DNAH6: variants seen among roughly 807,000 people sequenced by gnomAD.
DNAH6 encodes the protein axonemal beta dynein heavy chain 6.
In DNAH6, 340 loss-of-function variants were observed where a neutral mutation model predicts 491.4. The observed-to-expected ratio is 0.69, with a 90% CI of 0.63 to 0.76. DNAH6 has a LOEUF of 0.76. DNAH6 is among the 30% of genes least tolerant of loss of function. The pLI is 0.00. For missense variants in DNAH6, 4,443 were observed against 4,972.2 expected (o/e 0.89, Z 3.20); for synonymous variants, 1,603 against 1,686.1 (o/e 0.95, Z 1.21).
intron 46 of DNAH6, among the ~76,000 whole-genome samples, chr2:84,696,691 C>G (rs1423289432): frequency 2.0e-5 from 3 of 151,962 alleles, no homozygotes; most frequent in Non-Finnish European, 4.4e-5. Context: ...TAACAGATAT[C>G]TTGTCATAGT....
chr2:84,656,925 C>G (rs568958055), intron 35 of DNAH6, among the ~76,000 whole-genome samples: 77 of 152,110 alleles, frequency 5.1e-4, no homozygotes, highest in African/African-American at 1.9e-3. Context: ...AGCCCAAAGT[C>G]ATGTAGATTT....
intron 63 of DNAH6, among the ~76,000 whole-genome samples, chr2:84,747,763 C>T (rs1055875614): frequency 1.3e-5 from 2 of 152,210 alleles, no homozygotes; most frequent in Non-Finnish European, 2.9e-5. Flanking sequence ...TCTTCCTGGA[C>T]ACCCAGGCTT....
chr2:84,819,474 TTG>T lies in DNAH6; in HGVS notation c.*67_*68del. 1 of 1,044,480 alleles carries T rather than the reference TTG, an allele frequency of 9.6e-7. No homozygotes were observed. 64.7% of individuals were successfully genotyped at this position (1,044,480 alleles called of 1,614,324 possible). A position where few individuals can be genotyped will look rare whatever the true frequency, so the allele number is the denominator to read the frequency against. On this transcript the variant is annotated 3_prime_UTR_variant, in exon 77 of 77. Transcript: ENST00000389394. Reference sequence around the variant, plus strand: ...ATCTTTCCTAATGGGAGCAAAAGGTTTGAATAATTTATATGTGAGCAAAACGG... The same window carrying T: ...ATCTTTCCTAATGGGAGCAAAAGGTTAATAATTTATATGTGAGCAAAACGG...
rs1684343316 is a variant in DNAH6, at chr2:84,593,968, A to G, written c.2611-4A>G. 3 of 1,522,296 alleles carry G rather than the reference A, an allele frequency of 2.0e-6. No homozygotes were observed. The African/African-American group carries it at 4.2e-5, about 21-fold the overall frequency. The allele number at this position is 1,522,296 out of a possible 1,614,324, so 94.3% of individuals were successfully genotyped here. ...TACGCATTTTGTTTACTACATTTTT[A>G]AAGGTAGAAGTGTCCAAGTTTGAAG... On this transcript the variant is annotated splice_polypyrimidine_tract_variant and splice_region_variant and intron_variant, in intron 16 of 76. Transcript: ENST00000389394.
chr2:84,626,281 G>A (rs1176581686), intron 29 of DNAH6, among the ~76,000 whole-genome samples: 2 of 152,156 alleles, frequency 1.3e-5, no homozygotes, highest in East Asian at 1.9e-4. Context: ...ACACAACTTT[G>A]TGTGTCTAAT....
At chr2:84,546,564 GTTC>G (rs1678815940) in intron 5 of DNAH6, among the ~76,000 whole-genome samples, 1 of 152,084 alleles carries the variant, frequency 6.6e-6, no homozygotes, top group African/African-American at 2.4e-5. Flanking sequence ...TGTTTTCAAG[GTTC>G]TTCTTCTATG....
intron 18 of DNAH6, among the ~76,000 whole-genome samples, chr2:84,597,176 A>G (rs908668352): frequency 5.9e-5 from 9 of 152,234 alleles, no homozygotes; most frequent in African/African-American, 1.4e-4. Context: ...ATGAAATAAT[A>G]CAACATGCAG....
the DNAH6 span, among the ~76,000 whole-genome samples, chr2:84,511,251 CG>C: frequency 6.6e-6 from 1 of 152,190 alleles, no homozygotes; most frequent in African/African-American, 2.4e-5. Flanking sequence ...GCTTTGTTTA[CG>C]TACTCAAGCT....
rs181994871 is a variant in DNAH6 at position 84,644,894 on chromosome 2, A to G, written c.5078+2840A>G. Among the ~76,000 whole-genome samples, 11 of 152,320 alleles carry G rather than the reference A, an allele frequency of 7.2e-5. No individual in the cohort carries two copies. In the East Asian group the frequency reaches 2.1e-3, roughly 29 times the overall value. On this transcript the variant is annotated intron_variant, in intron 33 of 76. Coordinates refer to ENST00000389394, the MANE Select transcript of DNAH6 (RefSeq NM_001370.2). ...CTTTGCTATTTTGAATAATACTGCA[A>G]TGAACATACACATGCATATGTCTTT...
At position 84,637,476 on chromosome 2, in the gene DNAH6, A is replaced by G. The variant is rs532222726; in HGVS notation, c.4821+99A>G. On this transcript the variant is annotated intron_variant, in intron 31 of 76. Coordinates refer to ENST00000389394, the MANE Select transcript of DNAH6 (RefSeq NM_001370.2). The stretch of plus-strand genomic sequence containing the variant: ...GAAAGTTTCCTTTATGAATGCCCCT[A>G]TTAATGGTTACACATTATTAAGTGT... 1,279 of 1,254,372 alleles carry G rather than the reference A, an allele frequency of 1.0e-3. 1 individual carries two copies. Among genetic ancestry groups the G allele is most frequent in the Non-Finnish European group, 1.3e-3 (1,178 of 935,770 alleles). The allele number at this position is 1,254,372 out of a possible 1,614,324, so 77.7% of individuals were successfully genotyped here.
Position 84,670,372 on chromosome 2 carries a change from TG to T in DNAH6, c.6353del (p.Gly2118AlafsTer7), listed in dbSNP as rs1692610006. ...GLLNKIQESAGYVPVYLNFSA... is the reference protein window; with the variant it reads ...GLLNKIQESAXYVPVYLNFSA... Reference sequence around the variant, plus strand: ...TGCTAAATAAAATTCAAGAATCAGCTGGCTATGTCCCTGTTTATCTAAATTT... The same window carrying T: ...TGCTAAATAAAATTCAAGAATCAGCTGCTATGTCCCTGTTTATCTAAATTT... On this transcript the variant is annotated frameshift_variant, in exon 39 of 77. Coordinates refer to ENST00000389394, the MANE Select transcript of DNAH6 (RefSeq NM_001370.2). LOFTEE classifies it high-confidence loss of function. 6.5e-7 allele frequency: 1 copy of T among 1,541,520 alleles called. No homozygotes were observed.
chr2:84,468,762 A>G, the DNAH6 span, among the ~76,000 whole-genome samples: 1 of 152,188 alleles, frequency 6.6e-6, no homozygotes, highest in Admixed American at 6.5e-5. Flanking sequence ...TAGGGTCATT[A>G]ATTTTGAGTT....
At chr2:84,792,683 G>A (rs773362004) in intron 68 of DNAH6, among the ~76,000 whole-genome samples, 21 of 152,266 alleles carry the variant, frequency 1.4e-4, no homozygotes, top group South Asian at 4.2e-4. Context: ...AAGGTAAGCC[G>A]GGGGCATATC....
intron 10 of DNAH6, among the ~76,000 whole-genome samples, chr2:84,554,950 G>A (rs1261065413): frequency 6.6e-6 from 1 of 152,162 alleles, no homozygotes; most frequent in Admixed American, 6.5e-5. Context: ...CCCCACATGG[G>A]TATTTTTAAC....
At chr2:84,463,832 A>G in the DNAH6 span, among the ~76,000 whole-genome samples, 6 of 152,228 alleles carry the variant, frequency 3.9e-5, no homozygotes, top group South Asian at 6.2e-4. Flanking sequence ...TTTTAACGAA[A>G]TAAATTCATT....
At chr2:84,698,364 G>A (rs1441855843) in intron 47 of DNAH6, among the ~76,000 whole-genome samples, 1 of 152,168 alleles carries the variant, frequency 6.6e-6, no homozygotes, top group Non-Finnish European at 1.5e-5. Flanking sequence ...AAGCAGGAAG[G>A]GATTTATTAA....
At chr2:84,487,163 C>T in the DNAH6 span, among the ~76,000 whole-genome samples, 1 of 152,182 alleles carries the variant, frequency 6.6e-6, no homozygotes, top group South Asian at 2.1e-4. Flanking sequence ...TTTGTCCTGG[C>T]ATTGATTACA....
rs1176919328 is a variant in DNAH6 at position 84,601,026 on chromosome 2, T to TTATTATTATAGTATAATAATAAC, written c.2869-3313_2869-3312insTATTATTATAGTATAATAATAAC. On this transcript the variant is annotated intron_variant, in intron 18 of 76. Coordinates refer to ENST00000389394, the MANE Select transcript of DNAH6 (RefSeq NM_001370.2). ...TACTATAATAATATTATAATAATAATGTTATTATTATACTATAATAATAAT... is the reference window on the plus strand; with the variant it reads ...TACTATAATAATATTATAATAATAATTATTATTATAGTATAATAATAACGTTATTATTATACTATAATAATAAT... Among the ~76,000 whole-genome samples the TTATTATTATAGTATAATAATAAC allele has an allele frequency of 7.7e-3, 1,117 of 144,484 alleles. 51 individuals are homozygous for TTATTATTATAGTATAATAATAAC. The highest frequency in any genetic ancestry group is 0.027 in the African/African-American group (1,021 of 37,846). 94.8% of individuals were successfully genotyped at this position (144,484 alleles called of 152,430 possible).
At position 84,584,169 on chromosome 2, in the gene DNAH6, C is replaced by T; in HGVS notation, c.2400C>T (p.Ser800=). The change falls in exon 15 of 77, where the codon AGC becomes AGT. Residue 800 remains serine (S), a synonymous_variant. Coordinates refer to ENST00000389394, the MANE Select transcript of DNAH6 (RefSeq NM_001370.2). Reference sequence around the variant, plus strand: ...AATCAGTGGGTGATAGAGAATCAAGCATTAAGCAATTTTGTGTGCATTTGG... The same window carrying T: ...AATCAGTGGGTGATAGAGAATCAAGTATTAAGCAATTTTGTGTGCATTTGG... The part of the protein sequence containing the change: ...IDKSVGDRES[S]IKQFCVHLGS... The T allele has an allele frequency of 1.2e-6, 2 of 1,614,126 alleles. No individual in the cohort carries two copies. Among genetic ancestry groups the T allele is most frequent in the South Asian group, 1.1e-5 (1 of 91,074 alleles).
Sources: allele counts gnomAD v4.1 joint callset (sites outside exome capture counted in the v4.1 genomes callset), GRCh38; gene constraint gnomAD v4.1.1; transcripts MANE v1.5; gene names NCBI Gene and HGNC (gene_info 2026-07-23, HGNC 2026-07-21).